The following VCL variants were observed in gnomAD, a reference collection of about 807,000 sequenced individuals.
VCL encodes vinculin, also known as epididymis luminal protein 114.
A neutral mutation model predicts 125.7 loss-of-function variants in VCL; 47 were observed. The ratio of observed to expected loss-of-function variants is 0.37; its 90% CI spans 0.30 to 0.48. The LOEUF (loss-of-function observed/expected upper bound fraction) is 0.48. Among genes scored for constraint, VCL ranks in the 20% least tolerant of loss-of-function variants. The pLI, the probability that VCL is intolerant of heterozygous loss-of-function variation, is 0.99. For missense variants in VCL, 1,069 were observed against 1,455.5 expected, an observed-to-expected ratio of 0.73 and a Z score of 4.32; for synonymous variants, 458 against 514.6, an observed-to-expected ratio of 0.89 and a Z score of 1.49.
chr10:74,101,338 T>C (rs1280711271), intron 14 of VCL, among the ~76,000 whole-genome samples: 1 of 151,256 alleles, frequency 6.6e-6, no homozygotes, highest in Non-Finnish European at 1.5e-5. Flanking sequence ...AAAAAAAAAT[T>C]AGCTGGGTGT....
intron 1 of VCL, among the ~76,000 whole-genome samples, chr10:74,017,535 G>C (rs1840572126): frequency 6.7e-6 from 1 of 150,032 alleles, no homozygotes; most frequent in Admixed American, 6.7e-5. Context: ...AGCTGCTGCT[G>C]CTGCTTTTTC....
In VCL at chr10:74,097,331, A is replaced by T. The variant is rs775238596; in HGVS notation, c.1871A>T (p.Glu624Val). Residue 624 changes from glutamate to valine, a missense_variant and splice_region_variant, in exon 13 of 22, where the codon GAG (glutamate) becomes GTG (valine). Physicochemically the swap from Glu to Val is moderately radical, Grantham distance 121. Around this residue, in one of 6 missense-constraint regions of VCL, gnomAD observed 760 missense variants for 928.9 expected, o/e 0.82. Coordinates refer to ENST00000211998, the MANE Select transcript of VCL (RefSeq NM_014000.3). The surrounding 1 kb of genome is among the most constrained non-coding windows in gnomAD (Gnocchi z 4.1). The stretch of plus-strand genomic sequence containing the variant: ...CCTCCTGATGCGCCTAACAGGGAAG[A>T]GGTGGGTATCTGAGGTCTTCCATTT... ...TAPPDAPNRE[E>V]VFDERAANFE... 6 of 1,612,952 alleles carry T rather than the reference A, an allele frequency of 3.7e-6. No individual in the cohort carries two copies. In the African/African-American group the frequency reaches 8.0e-5, roughly 22 times the overall value.
In VCL at chr10:74,039,060, C is replaced by T. The variant is rs577945599; in HGVS notation, c.169-4023C>T. 5.9e-5 allele frequency among the ~76,000 whole-genome samples: 9 copies of T among 152,194 alleles called. No homozygotes were observed. The South Asian group carries it at 1.2e-3, about 21-fold the overall frequency. On this transcript the variant is annotated intron_variant, in intron 1 of 21. Coordinates refer to ENST00000211998, the MANE Select transcript of VCL (RefSeq NM_014000.3). Reference sequence around the variant, plus strand: ...CGGAGTAGCTGGGATTATAGGCATCCGCCACCACGCCCAGCTAATTTTTGT... The same window carrying T: ...CGGAGTAGCTGGGATTATAGGCATCTGCCACCACGCCCAGCTAATTTTTGT...
intron 8 of VCL, among the ~76,000 whole-genome samples, chr10:74,084,937 C>A (rs1361427149): frequency 6.6e-6 from 1 of 151,942 alleles, no homozygotes; most frequent in African/African-American, 2.4e-5. Context: ...AATGACATGG[C>A]CTTGCTCTGT....
intron 18 of VCL, among the ~76,000 whole-genome samples, chr10:74,110,287 G>C (rs1204078001): frequency 6.6e-6 from 1 of 152,046 alleles, no homozygotes; most frequent in African/African-American, 2.4e-5. Context: ...ACACTATGCA[G>C]AACAAAAAAT....
intron 1 of VCL, chr10:74,005,255 T>C (rs1840300451): frequency 1.3e-5 from 2 of 152,064 alleles, no homozygotes; most frequent in African/African-American, 4.8e-5. Context: ...ATATGTATTT[T>C]TCTTTTTTTT....
At chr10:74,108,715 G>C (rs1336615115) in intron 17 of VCL, among the ~76,000 whole-genome samples, 1 of 152,222 alleles carries the variant, frequency 6.6e-6, no homozygotes, top group South Asian at 2.1e-4. Flanking sequence ...CCTGACCTCA[G>C]GTGACCCACC....
intron 8 of VCL, among the ~76,000 whole-genome samples, chr10:74,088,055 A>G (rs1177414584): frequency 1.3e-5 from 2 of 152,228 alleles, no homozygotes; most frequent in East Asian, 3.9e-4. Flanking sequence ...GATCAATACT[A>G]TTATGAAGGG....
chr10:74,114,487 G>A lies in VCL; in HGVS notation c.3153+100G>A. On this transcript the variant is annotated intron_variant, in intron 20 of 21. Coordinates refer to ENST00000211998, the MANE Select transcript of VCL (RefSeq NM_014000.3). ...GGGTATGAGAGGGAGAAAAGCAGGAGAGAAAAACTAGGTAAGGGAGAAAGA... is the reference window on the plus strand; with the variant it reads ...GGGTATGAGAGGGAGAAAAGCAGGAAAGAAAAACTAGGTAAGGGAGAAAGA... 3 of 1,421,470 alleles carry A rather than the reference G, an allele frequency of 2.1e-6. No homozygotes were observed. The South Asian group carries it at 3.7e-5, about 17-fold the overall frequency. The allele number at this position is 1,421,470 out of a possible 1,614,324, so 88.1% of individuals were successfully genotyped here. A position where few individuals can be genotyped will look rare whatever the true frequency, so the allele number is the denominator to read the frequency against.
At chr10:74,059,360 GAA>G (rs796840806) in intron 2 of VCL, among the ~76,000 whole-genome samples, 1 of 119,506 alleles carries the variant, frequency 8.4e-6, no homozygotes, top group African/African-American at 3.0e-5. Context: ...CACTTCGAAA[GAA>G]AAAAAAAAAA....
chr10:74,063,604 C>G (rs1420700057), intron 2 of VCL: 2 of 152,162 alleles, frequency 1.3e-5, no homozygotes. Context: ...ACTTAGAATT[C>G]TGTACTGCTA....
rs141033098 is a variant in VCL at position 74,095,667 on chromosome 10, A to G, written c.1555A>G (p.Ile519Val). Reference sequence around the variant, plus strand: ...TTCTCTTGGTCCAGGTCAGGCTGCCATCCGGGGGCTTGTGGCCGAAGGGCA... The same window carrying G: ...TTCTCTTGGTCCAGGTCAGGCTGCCGTCCGGGGGCTTGTGGCCGAAGGGCA... ...VDDRGVGQAAIRGLVAEGHRL... is the reference protein window; with the variant it reads ...VDDRGVGQAAVRGLVAEGHRL... The change falls in exon 12 of 22, where the codon ATC (isoleucine) becomes GTC (valine). Residue 519 changes from isoleucine to valine, a missense_variant. Physicochemically the swap from Ile to Val is conservative, Grantham distance 29. Coordinates refer to ENST00000211998, the MANE Select transcript of VCL (RefSeq NM_014000.3). The G allele has an allele frequency of 6.2e-7, 1 of 1,614,014 alleles. No individual in the cohort carries two copies. The highest frequency in any genetic ancestry group is 8.5e-7 in the Non-Finnish European group (1 of 1,180,046).
intron 1 of VCL, among the ~76,000 whole-genome samples, chr10:74,025,811 A>G (rs1300571811): frequency 1.3e-5 from 2 of 152,064 alleles, no homozygotes; most frequent in Non-Finnish European, 2.9e-5. Context: ...ATCTTGGGTA[A>G]TACCCGAGGT....
chr10:74,109,427 G>A (rs1477802628), intron 18 of VCL, among the ~76,000 whole-genome samples: 1 of 152,170 alleles, frequency 6.6e-6, no homozygotes, highest in African/African-American at 2.4e-5. Context: ...AGAGTGCCAG[G>A]TGCCTTGACC....
intron 2 of VCL, among the ~76,000 whole-genome samples, chr10:74,061,842 A>T (rs1841484377): frequency 6.7e-6 from 1 of 150,124 alleles, no homozygotes; most frequent in Admixed American, 6.7e-5. Flanking sequence ...TATCTTTCGT[A>T]TCTAGTTGTT....
chr10:74,099,536 T>C (rs1463673526), intron 13 of VCL, among the ~76,000 whole-genome samples: 1 of 152,248 alleles, frequency 6.6e-6, no homozygotes. Context: ...CACTGGGCTG[T>C]GAGTTCCTTG....
At position 74,009,221 on chromosome 10, in the gene VCL, C is replaced by CA. The variant is rs1188521082; in HGVS notation, c.168+10846_168+10847insA. Among the ~76,000 whole-genome samples, 4 of 112,210 alleles carry CA rather than the reference C, an allele frequency of 3.6e-5. 1 individual carries two copies. Among genetic ancestry groups the CA allele is most frequent in the Admixed American group, 8.3e-5 (1 of 12,106 alleles). 73.6% of individuals were successfully genotyped at this position (112,210 alleles called of 152,430 possible). The stretch of plus-strand genomic sequence containing the variant: ...TGTCTAGGTGGCTGCTGCTTTCCCC[C>CA]CCCCCCCCCGAGCCATTTTAGTATT... On this transcript the variant is annotated intron_variant, in intron 1 of 21. Coordinates refer to ENST00000211998, the MANE Select transcript of VCL (RefSeq NM_014000.3).
rs964739371 is a variant in VCL, at chr10:74,101,542, GT to G, written c.2022+469del. On this transcript the variant is annotated intron_variant, in intron 14 of 21. Coordinates refer to ENST00000211998, the MANE Select transcript of VCL (RefSeq NM_014000.3). Reference sequence around the variant, plus strand: ...TTTTTTTTACAAGGACTATTTATTAGTTTTTTTTTTTTTTTTTTTTTTTTGA... The same window carrying G: ...TTTTTTTTACAAGGACTATTTATTAGTTTTTTTTTTTTTTTTTTTTTTTGA... Among the ~76,000 whole-genome samples the G allele has an allele frequency of 7.3e-3, 640 of 88,114 alleles. 2 individuals are homozygous for G. Among genetic ancestry groups the G allele is most frequent in the East Asian group, 0.041 (125 of 3,058 alleles). The allele number at this position is 88,114 out of a possible 152,430, so 57.8% of individuals were successfully genotyped here. A position where few individuals can be genotyped will look rare whatever the true frequency, so the allele number is the denominator to read the frequency against.
intron 16 of VCL, 107 bp downstream of exon 16, chr10:74,105,460 A>G (rs1263331827): frequency 6.1e-5 from 84 of 1,367,964 alleles, no homozygotes; most frequent in Non-Finnish European, 8.3e-5. Flanking sequence ...TCTGGGGGCA[A>G]AAACTATAGA....
Sources: allele counts gnomAD v4.1 joint callset (sites outside exome capture counted in the v4.1 genomes callset), GRCh38; gene constraint gnomAD v4.1.1; regional missense constraint gnomAD v4.1.1; non-coding constraint Gnocchi (gnomAD v3.1); transcripts MANE v1.5; gene names NCBI Gene and HGNC (gene_info 2026-07-23, HGNC 2026-07-21).